The following PLXNA4 variants were observed in gnomAD, a reference collection of about 807,000 sequenced individuals.
PLXNA4 encodes the protein plexin-A4.
PLXNA4 carries 44 observed loss-of-function variants against 191.8 expected under a neutral mutation model. That is an observed-to-expected ratio of 0.23 (90% CI 0.18 to 0.29). PLXNA4 has a LOEUF of 0.29. Among genes scored for constraint, PLXNA4 ranks in the 10% least tolerant of loss-of-function variants. The pLI is 1.00. For synonymous variants in PLXNA4, 1,082 were observed against 1,009.5 expected (o/e 1.07, Z -1.36); for missense variants, 1,800 against 2,488.8 (o/e 0.72, Z 5.89).
At chr7:132,417,831 T>C (rs1794711934) in intron 3 of PLXNA4, among the ~76,000 whole-genome samples, 1 of 152,158 alleles carries the variant, frequency 6.6e-6, no homozygotes. Context: ...AAAGCTGGTT[T>C]ACTCTTTGGT....
At position 132,226,344 on chromosome 7, in the gene PLXNA4, G is replaced by T. The variant is rs931036438; in HGVS notation, c.1883-84C>A. ...CTGACCAGTGACACCTGCTGGAAAA[G>T]GGAGCCTGCTCCCCAGGCGGCTGTT... On this transcript the variant is annotated intron_variant, in intron 7 of 31. Transcript: ENST00000321063. 44 of 1,204,140 alleles carry T rather than the reference G, an allele frequency of 3.7e-5. No homozygotes were observed. The South Asian group carries it at 5.5e-4, about 15-fold the overall frequency. 74.6% of individuals were successfully genotyped at this position (1,204,140 alleles called of 1,614,324 possible). A position where few individuals can be genotyped will look rare whatever the true frequency, so the allele number is the denominator to read the frequency against.
chr7:132,427,947 T>C (rs975427252), intron 3 of PLXNA4, among the ~76,000 whole-genome samples: 2 of 152,096 alleles, frequency 1.3e-5, no homozygotes, highest in Non-Finnish European at 2.9e-5. Context: ...ACAGGCAAGG[T>C]GGGCATCCCC....
In PLXNA4 at chr7:132,472,706, G is replaced by A. The variant is rs542706963; in HGVS notation, c.1371+16586C>T. On this transcript the variant is annotated intron_variant, in intron 3 of 31. Transcript: ENST00000321063. ...AGGGAAACATCACTGGAAAAGCTGG[G>A]AAGTGGACGTCACTGCTAGTCCCAT... Among the ~76,000 whole-genome samples, 10 of 152,346 alleles carry A rather than the reference G, an allele frequency of 6.6e-5. No individual in the cohort carries two copies. The East Asian group carries it at 1.9e-3, about 29-fold the overall frequency.
intron 3 of PLXNA4, among the ~76,000 whole-genome samples, chr7:132,459,490 A>G (rs558895001): frequency 6.6e-6 from 1 of 152,242 alleles, no homozygotes; most frequent in South Asian, 2.1e-4. Context: ...AGTCAATTTG[A>G]TTTTGTGGAT....
intron 2 of PLXNA4, among the ~76,000 whole-genome samples, chr7:132,616,087 G>A (rs765475852): frequency 3.3e-5 from 5 of 151,978 alleles, no homozygotes; most frequent in Non-Finnish European, 5.9e-5. Context: ...GGCAGATAAC[G>A]CCCAAACTCC....
intron 17 of PLXNA4, 43 bp from the exon 18 acceptor site, chr7:132,181,663 C>A: frequency 6.2e-7 from 1 of 1,604,710 alleles, no homozygotes; most frequent in South Asian, 1.1e-5. Flanking sequence ...AGTATCTCCA[C>A]ATACCCACAG....
intron 1 of PLXNA4, among the ~76,000 whole-genome samples, chr7:132,514,497 T>C (rs1226214000): frequency 6.6e-6 from 1 of 152,216 alleles, no homozygotes; most frequent in Admixed American, 6.5e-5. Context: ...TCAAACATTA[T>C]TCTGGAAGTT....
At chr7:132,211,252 C>T (rs775853914) in intron 9 of PLXNA4, 109 bp from the exon 10 acceptor site, 423 of 1,199,422 alleles carry the variant, frequency 3.5e-4, no homozygotes, top group Non-Finnish European at 4.9e-4. Context: ...CATGGACACA[C>T]CCACAGGCGA....
chr7:132,296,650 C>T (rs1434095282), intron 4 of PLXNA4, among the ~76,000 whole-genome samples: 2 of 152,094 alleles, frequency 1.3e-5, no homozygotes, highest in Non-Finnish European at 2.9e-5. Flanking sequence ...TCAGATCAGG[C>T]AAGAAATCTT....
In PLXNA4 at chr7:132,181,548, A is replaced by T. The variant is rs1374818339; in HGVS notation, c.3325T>A (p.Ser1109Thr). 3 of 1,614,138 alleles carry T rather than the reference A, an allele frequency of 1.9e-6. No individual in the cohort carries two copies. The highest frequency in any genetic ancestry group is 3.3e-5 in the Admixed American group (2 of 60,024). The change falls in exon 18 of 32, where the codon TCA (serine) becomes ACA (threonine). Residue 1109 changes from serine (S) to threonine (T), a missense_variant. Ser to Thr is a moderately conservative substitution (Grantham distance 58). Around this residue, in one of 6 missense-constraint regions of PLXNA4, gnomAD observed 1,397 missense variants for 1,880.4 expected, o/e 0.74. Transcript: ENST00000321063. ...TCCTCGGGCCTCTCGGTCAGGTCTG[A>T]CTGGTGGTCAGGACCCAGAGCGAGG... is the stretch of plus-strand genomic sequence containing the variant. ...PALALGPDHQ[S>T]DLTERPEEFG...
intron 1 of PLXNA4, among the ~76,000 whole-genome samples, chr7:132,533,534 T>C (rs1451335803): frequency 1.3e-5 from 2 of 152,232 alleles, no homozygotes; most frequent in Non-Finnish European, 2.9e-5. Context: ...TCCCCTGTGC[T>C]TACTTAAAAC....
intron 9 of PLXNA4, among the ~76,000 whole-genome samples, chr7:132,218,323 C>A (rs1342637837): frequency 6.6e-6 from 1 of 152,174 alleles, no homozygotes; most frequent in African/African-American, 2.4e-5. Context: ...TCTGATCTTA[C>A]AACTATTCTC....
chr7:132,545,763 G>C (rs138898977), intron 1 of PLXNA4, among the ~76,000 whole-genome samples: 57 of 152,352 alleles, frequency 3.7e-4, no homozygotes, highest in Admixed American at 9.1e-4. Flanking sequence ...TAATAGGGTA[G>C]AGGAGGCTAA....
intron 3 of PLXNA4, among the ~76,000 whole-genome samples, chr7:132,399,488 CA>C (rs1418083973): frequency 6.6e-6 from 1 of 151,882 alleles, no homozygotes; most frequent in Non-Finnish European, 1.5e-5. Context: ...GCAGGTGAAA[CA>C]AAAAAAGGAA....
intron 5 of PLXNA4, among the ~76,000 whole-genome samples, chr7:132,238,330 T>C (rs1244763317): frequency 2.0e-5 from 3 of 152,190 alleles, no homozygotes; most frequent in Non-Finnish European, 4.4e-5. Context: ...GAGCAATGGC[T>C]TGGTATTCAC....
chr7:132,396,180 G>A (rs750911088), intron 3 of PLXNA4, among the ~76,000 whole-genome samples: 1 of 152,160 alleles, frequency 6.6e-6, no homozygotes, highest in Non-Finnish European at 1.5e-5. Context: ...TGGGCAGAAA[G>A]GACTCTGGAG....
chr7:132,500,564 T>A (rs1320700777), intron 2 of PLXNA4, among the ~76,000 whole-genome samples: 1 of 151,926 alleles, frequency 6.6e-6, no homozygotes, highest in Non-Finnish European at 1.5e-5. Flanking sequence ...ACACCTGCAT[T>A]AAGCACAGCC....
chr7:132,573,945 G>T (rs1290542448), intron 1 of PLXNA4, among the ~76,000 whole-genome samples: 2 of 152,172 alleles, frequency 1.3e-5, no homozygotes, highest in Non-Finnish European at 2.9e-5. Flanking sequence ...AAAAGGAAGG[G>T]CACAGAAGAG....
chr7:132,166,372 T>TTTTTTTTTTTTTTGA (rs1198306499), intron 22 of PLXNA4, among the ~76,000 whole-genome samples: 1 of 148,806 alleles, frequency 6.7e-6, no homozygotes, highest in African/African-American at 2.4e-5. Context: ...TCTTTTACTT[T>TTTTTTTTTTTTTTGA]GGAAGTGAAG....
Sources: allele counts gnomAD v4.1 joint callset (sites outside exome capture counted in the v4.1 genomes callset), GRCh38; gene constraint gnomAD v4.1.1; regional missense constraint gnomAD v4.1.1; transcripts MANE v1.5; gene names NCBI Gene and HGNC (gene_info 2026-07-23, HGNC 2026-07-21).